ZFR: variants seen among roughly 807,000 people sequenced by gnomAD.
ZFR encodes the protein zinc finger RNA-binding protein.
A neutral mutation model predicts 130.7 loss-of-function variants in ZFR; 19 were observed. The ratio of observed to expected loss-of-function variants is 0.15; its 90% confidence interval spans 0.10 to 0.21. The LOEUF is 0.21. ZFR is among the 10% of genes least tolerant of loss of function. The pLI, the probability that ZFR is intolerant of heterozygous loss-of-function variation, is 1.00. For missense variants in ZFR, 872 were observed against 1,321.5 expected, an observed-to-expected ratio of 0.66 and a Z score of 5.27; for synonymous variants, 466 against 456.9, an observed-to-expected ratio of 1.02 and a Z score of -0.25.
chr5:32,425,109 T>C lies in ZFR; in HGVS notation c.138-5006A>G, dbSNP rs553809722. 3.0e-4 allele frequency among the ~76,000 whole-genome samples: 45 copies of C among 152,314 alleles called. 1 individual carries two copies. The South Asian group carries it at 8.9e-3, about 30-fold the overall frequency. ...AAACTGTGATTGTAGGAAATAAAAA[T>C]ATATGCATAAAGTTGATAAGTTACA... is the stretch of plus-strand genomic sequence containing the variant. On this transcript the variant is annotated intron_variant, in intron 2 of 19. Coordinates refer to ENST00000265069, the MANE Select transcript of ZFR (RefSeq NM_016107.5).
chr5:32,387,421 A>C, intron 14 of ZFR, 128 bp downstream of exon 14: 2 of 1,027,666 alleles, frequency 1.9e-6, no homozygotes, highest in Non-Finnish European at 1.4e-6. Context: ...TCAAACAAAA[A>C]AACTCAATAC....
intron 2 of ZFR, among the ~76,000 whole-genome samples, chr5:32,424,866 G>T (rs1415449024): frequency 6.6e-6 from 1 of 152,134 alleles, no homozygotes; most frequent in Non-Finnish European, 1.5e-5. Context: ...TAATGTAAAC[G>T]TTATCATAAA....
At position 32,403,416 on chromosome 5, in the gene ZFR, C is replaced by G; in HGVS notation, c.1225-19G>C. The stretch of plus-strand genomic sequence containing the variant: ...TAACCACCTATAAAACAAAAGCACA[C>G]TTATTTGTCAGGAAACTCAAATAGA... On this transcript the variant is annotated intron_variant, in intron 7 of 19. Transcript: ENST00000265069. The G allele has an allele frequency of 6.3e-7, 1 of 1,597,262 alleles. No homozygotes were observed.
At position 32,444,536 on chromosome 5, in the gene ZFR, G is replaced by C. The variant is rs1192099142; in HGVS notation, c.37+86C>G. On this transcript the variant is annotated intron_variant, in intron 1 of 19. Coordinates refer to ENST00000265069, the MANE Select transcript of ZFR (RefSeq NM_016107.5). ...GGTGGCGGCCGCCGCCTCCTCCCCG[G>C]AGCCTGCCCCAACCCCCGCGGCTCC... The C allele has an allele frequency of 7.1e-6, 10 of 1,404,528 alleles. No individual in the cohort carries two copies. In the African/African-American group the frequency reaches 1.5e-4, roughly 22 times the overall value. The allele number at this position is 1,404,528 out of a possible 1,614,324, so 87.0% of individuals were successfully genotyped here.
chr5:32,422,360 C>T (rs1251618074), intron 2 of ZFR, among the ~76,000 whole-genome samples: 1 of 152,110 alleles, frequency 6.6e-6, no homozygotes, highest in Admixed American at 6.5e-5. Flanking sequence ...TATACAGTCA[C>T]CAGTCCCAGG....
At chr5:32,388,707 A>G (rs1753094319) in intron 12 of ZFR, 33 bp from the exon 13 acceptor site, 2 of 1,558,048 alleles carry the variant, frequency 1.3e-6, no homozygotes, top group Non-Finnish European at 1.7e-6. Flanking sequence ...AATTTAAAAA[A>G]AAGTTTCCTG....
chr5:32,391,721 T>C (rs1753181864), intron 11 of ZFR, among the ~76,000 whole-genome samples: 1 of 152,050 alleles, frequency 6.6e-6, no homozygotes, highest in African/African-American at 2.4e-5. Flanking sequence ...CTGACTACCA[T>C]TACAGAAACT....
rs781740935 is a variant in ZFR, at chr5:32,403,297, G to A, written c.1325C>T (p.Pro442Leu). 10 of 1,613,996 alleles carry A rather than the reference G, an allele frequency of 6.2e-6. No homozygotes were observed. The highest frequency in any genetic ancestry group is 1.6e-4 in the Middle Eastern group (1 of 6,084). The change falls in exon 8 of 20, where the codon CCG becomes CTG. Residue 442 changes from proline (P) to leucine (L), a missense_variant. Around this residue, in one of 7 missense-constraint regions of ZFR, gnomAD observed 143 missense variants for 137.9 expected, o/e 1.04. Transcript: ENST00000265069. Reference sequence around the variant, plus strand: ...TGCAATGCTTGAAGGAGAGGCAGTCGGCTTTGAAGCAGATACAGCTGTTGA... The same window carrying A: ...TGCAATGCTTGAAGGAGAGGCAGTCAGCTTTGAAGCAGATACAGCTGTTGA... ...TSSTAVSASKPTASPSSIAAN... is the reference protein window; with the variant it reads ...TSSTAVSASKLTASPSSIAAN...
intron 2 of ZFR, among the ~76,000 whole-genome samples, chr5:32,423,175 A>C (rs1034949961): frequency 1.3e-5 from 2 of 152,086 alleles, no homozygotes; most frequent in African/African-American, 4.8e-5. Flanking sequence ...ACTACAAAAA[A>C]CACAAAAATT....
intron 10 of ZFR, among the ~76,000 whole-genome samples, chr5:32,396,143 C>G (rs1395268345): frequency 2.0e-5 from 3 of 150,002 alleles, no homozygotes; most frequent in Admixed American, 2.0e-4. Context: ...CACTGGAGCC[C>G]GGGAGGTTGC....
intron 2 of ZFR, among the ~76,000 whole-genome samples, chr5:32,421,097 A>G (rs10461911): frequency 0.27 from 40,752 of 152,144 alleles, 6,424 homozygotes; most frequent in Middle Eastern, 0.44. Flanking sequence ...CTGAAAGCCT[A>G]TATCACTAAA....
intron 2 of ZFR, among the ~76,000 whole-genome samples, chr5:32,431,352 T>C (rs1207893620): frequency 6.6e-6 from 1 of 152,158 alleles, no homozygotes; most frequent in Non-Finnish European, 1.5e-5. Flanking sequence ...TTTAAGTCTA[T>C]TGGTTAGGGG....
Position 32,407,494 on chromosome 5 carries a change from A to G in ZFR, c.785-473T>C, listed in dbSNP as rs533462337. Among the ~76,000 whole-genome samples the G allele has an allele frequency of 3.3e-5, 5 of 151,842 alleles. 1 individual carries two copies. In the South Asian group the frequency reaches 8.3e-4, roughly 25 times the overall value. The stretch of plus-strand genomic sequence containing the variant: ...CTAAGAGGACAAAAGAGATAAAAGA[A>G]GAGGAAAACATACAAATGTGACACT... On this transcript the variant is annotated intron_variant, in intron 5 of 19. Coordinates refer to ENST00000265069, the MANE Select transcript of ZFR (RefSeq NM_016107.5).
At chr5:32,411,264 T>C (rs567997175) in intron 5 of ZFR, among the ~76,000 whole-genome samples, 38 of 152,314 alleles carry the variant, frequency 2.5e-4, no homozygotes, top group African/African-American at 9.1e-4. Context: ...AGGAGCTGGT[T>C]TGAGCAGATC....
intron 5 of ZFR, among the ~76,000 whole-genome samples, chr5:32,410,478 T>C: frequency 6.6e-6 from 1 of 151,482 alleles, no homozygotes; most frequent in East Asian, 2.0e-4. Context: ...TAGCCAGGCA[T>C]GGTGGCTCAC....
chr5:32,397,113 A>T (rs985941087), intron 10 of ZFR, 106 bp downstream of exon 10: 2 of 1,296,208 alleles, frequency 1.5e-6, no homozygotes, highest in Non-Finnish European at 2.1e-6. Context: ...GACATCATGG[A>T]CTTGGCAAGC....
rs368990595 is a variant in ZFR, at chr5:32,444,178, G to T, written c.137+51C>A. The T allele has an allele frequency of 1.5e-5, 24 of 1,571,184 alleles. No homozygotes were observed. In the African/African-American group the frequency reaches 1.8e-4, roughly 12 times the overall value. On this transcript the variant is annotated intron_variant, in intron 2 of 19. Coordinates refer to ENST00000265069, the MANE Select transcript of ZFR (RefSeq NM_016107.5). Reference sequence around the variant, plus strand: ...CGGGGGCGTCGCATCGACAGGATCCGGACCGAGGGGAGAGCAAGGGGCGAA... The same window carrying T: ...CGGGGGCGTCGCATCGACAGGATCCTGACCGAGGGGAGAGCAAGGGGCGAA...
rs567372613 is a variant in ZFR, at chr5:32,412,119, T to C, written c.784+2850A>G. Reference sequence around the variant, plus strand: ...CTACCACCACAGGGTGAAAGACAGTTGAGCAACAGGCCCACAGAGTACTTG... The same window carrying C: ...CTACCACCACAGGGTGAAAGACAGTCGAGCAACAGGCCCACAGAGTACTTG... On this transcript the variant is annotated intron_variant, in intron 5 of 19. Transcript: ENST00000265069. Among the ~76,000 whole-genome samples the C allele has an allele frequency of 2.0e-5, 3 of 152,304 alleles. No individual in the cohort carries two copies. The East Asian group carries it at 5.8e-4, about 29-fold the overall frequency.
chr5:32,411,707 T>TGGGGGGG (rs1463819148), intron 5 of ZFR, among the ~76,000 whole-genome samples: 3 of 43,464 alleles, frequency 6.9e-5, no homozygotes, highest in Non-Finnish European at 4.2e-5. Flanking sequence ...AAAAAAAAAT[T>TGGGGGGG]GAGGGGGGGC....
Sources: gnomAD v4.1 joint callset for allele counts (sites outside exome capture counted in the v4.1 genomes callset) on GRCh38, gnomAD v4.1.1 for gene constraint, gnomAD v4.1.1 regional missense constraint, MANE v1.5 for transcripts, NCBI Gene and HGNC (gene_info 2026-07-23, HGNC 2026-07-21) for gene names.